Variants in THNSL1 observed in about 807,000 individuals in gnomAD.
THNSL1 encodes threonine synthase-like 1.
Under a neutral mutation model 50.4 loss-of-function variants are expected in THNSL1, and 48 were observed. That is an observed-to-expected ratio of 0.95 (90% CI 0.76 to 1.21). THNSL1 has a LOEUF of 1.21. Ranked by LOEUF, THNSL1 falls within the 50% of genes most tolerant of loss-of-function variation. THNSL1 has a pLI of 0.00. For synonymous variants in THNSL1, 309 were observed against 306.1 expected, an observed-to-expected ratio of 1.01 and a Z score of -0.10; for missense variants, 896 against 871.7, an observed-to-expected ratio of 1.03 and a Z score of -0.35.
At chr10:24,955,471 G>C in the THNSL1 span, among the ~76,000 whole-genome samples, 1 of 152,138 alleles carries the variant, frequency 6.6e-6, no homozygotes, top group Non-Finnish European at 1.5e-5. Flanking sequence ...TCCATAAAAT[G>C]GAGCCACCCA....
chr10:24,995,727 T>C, the THNSL1 span: 9 of 1,614,052 alleles, frequency 5.6e-6, no homozygotes, highest in Non-Finnish European at 7.6e-6. Flanking sequence ...CATAAATTGG[T>C]TTAGGCTTTT....
chr10:24,991,282 C>T, the THNSL1 span, among the ~76,000 whole-genome samples: 1 of 151,940 alleles, frequency 6.6e-6, no homozygotes, highest in Admixed American at 6.6e-5. Context: ...TACCTTCTAC[C>T]TTCTACATGC....
chr10:24,981,567 G>A, the THNSL1 span, among the ~76,000 whole-genome samples: 6 of 152,248 alleles, frequency 3.9e-5, no homozygotes, highest in Non-Finnish European at 7.4e-5. Flanking sequence ...ATGTTAATGG[G>A]CCTAGCACCA....
chr10:24,995,872 G>A, the THNSL1 span: 22 of 1,596,454 alleles, frequency 1.4e-5, no homozygotes, highest in Non-Finnish European at 1.9e-5. Context: ...GTTTTTTTCT[G>A]TTAAATATAA....
At chr10:24,961,129 A>C in the THNSL1 span, among the ~76,000 whole-genome samples, 7 of 152,204 alleles carry the variant, frequency 4.6e-5, no homozygotes, top group Non-Finnish European at 1.0e-4. Context: ...AAACCGTGTT[A>C]TATTTTGGTG....
At chr10:24,961,899 TG>T in the THNSL1 span, among the ~76,000 whole-genome samples, 2 of 152,230 alleles carry the variant, frequency 1.3e-5, no homozygotes, top group Non-Finnish European at 2.9e-5. Flanking sequence ...TTACTTTCTT[TG>T]CTTTATTTTT....
the THNSL1 span, among the ~76,000 whole-genome samples, chr10:24,994,043 C>A: frequency 6.6e-6 from 1 of 152,120 alleles, no homozygotes; most frequent in Non-Finnish European, 1.5e-5. Context: ...CCTGAAGTAA[C>A]TTTATTGGCT....
chr10:24,988,483 C>G, the THNSL1 span, among the ~76,000 whole-genome samples: 2,490 of 143,760 alleles, frequency 0.017, 59 homozygotes, highest in African/African-American at 0.059. Context: ...ATATAAAATA[C>G]GTATAAATAG....
At chr10:24,975,567 A>G in the THNSL1 span, among the ~76,000 whole-genome samples, 1 of 152,100 alleles carries the variant, frequency 6.6e-6, no homozygotes, top group Non-Finnish European at 1.5e-5. Context: ...CCATGCTGTT[A>G]TCCTGTTCTC....
At chr10:24,962,828 C>A in the THNSL1 span, among the ~76,000 whole-genome samples, 1 of 152,176 alleles carries the variant, frequency 6.6e-6, no homozygotes, top group East Asian at 1.9e-4. Context: ...TTGTCATTAT[C>A]TCAATTTGTC....
chr10:24,984,942 A>G, the THNSL1 span: 2 of 1,544,796 alleles, frequency 1.3e-6, no homozygotes, highest in Non-Finnish European at 1.8e-6. Flanking sequence ...TACCAAAGCA[A>G]ACTGCAAAAG....
the THNSL1 span, among the ~76,000 whole-genome samples, chr10:24,958,195 A>T: frequency 0.01 from 498 of 49,610 alleles, 2 homozygotes; most frequent in Middle Eastern, 0.018. Flanking sequence ...AAGTAAATTA[A>T]AAAAAAAAAC....
chr10:25,020,238 A>ATATATCTATATC (rs1554772119), intron 1 of THNSL1, among the ~76,000 whole-genome samples: 8,240 of 126,568 alleles, frequency 0.065, 563 homozygotes, highest in African/African-American at 0.16. Context: ...TTTCTTTAAA[A>ATATATCTATATC]TATATCTATA....
chr10:25,020,503 A>G (rs1220324981), intron 1 of THNSL1, among the ~76,000 whole-genome samples: 1 of 152,158 alleles, frequency 6.6e-6, no homozygotes, highest in East Asian at 1.9e-4. Flanking sequence ...ATGGTGGTTC[A>G]TGCCTCTAAT....
At chr10:24,985,817 C>T in the THNSL1 span, among the ~76,000 whole-genome samples, 1 of 152,148 alleles carries the variant, frequency 6.6e-6, no homozygotes, top group Non-Finnish European at 1.5e-5. Flanking sequence ...ACAGAAAGTG[C>T]AATTTAAGAT....
chr10:24,999,784 C>T, the THNSL1 span, among the ~76,000 whole-genome samples: 1 of 152,084 alleles, frequency 6.6e-6, no homozygotes, highest in East Asian at 1.9e-4. Flanking sequence ...CCTTATTATC[C>T]TTTGAACATC....
chr10:24,959,855 T>C, the THNSL1 span, among the ~76,000 whole-genome samples: 9,742 of 152,286 alleles, frequency 0.064, 1,036 homozygotes, highest in African/African-American at 0.22. Context: ...AACACTGTTT[T>C]CAAATTGTGC....
At chr10:25,009,405 A>C in the THNSL1 span, among the ~76,000 whole-genome samples, 1 of 152,250 alleles carries the variant, frequency 6.6e-6, no homozygotes, top group South Asian at 2.1e-4. Context: ...ATGAAAATCA[A>C]TTAAAAAATA....
At chr10:24,956,337 T>C in the THNSL1 span, among the ~76,000 whole-genome samples, 1 of 152,154 alleles carries the variant, frequency 6.6e-6, no homozygotes, top group Non-Finnish European at 1.5e-5. Context: ...CATTTTCTAA[T>C]ATACCTTTGA....
Sources: allele counts gnomAD v4.1 joint callset (sites outside exome capture counted in the v4.1 genomes callset), GRCh38; gene constraint gnomAD v4.1.1; transcripts MANE v1.5; gene names NCBI Gene and HGNC (gene_info 2026-07-23, HGNC 2026-07-21).